The following CUL4B variants were observed in gnomAD, a reference collection of about 807,000 sequenced individuals.
CUL4B encodes cullin 4B.
CUL4B carries 1 observed loss-of-function variant against 69.2 expected under a neutral mutation model. That is an observed-to-expected ratio of 0.01 (90% CI 0.01 to 0.07). The LOEUF (loss-of-function observed/expected upper bound fraction) is 0.07, where lower values mean the gene tolerates loss of function less well. Ranked by LOEUF, CUL4B falls within the 10% of genes least tolerant of loss-of-function variation. The pLI, the probability that CUL4B is intolerant of heterozygous loss-of-function variation, is 1.00. For missense variants in CUL4B, 328 were observed against 638.8 expected (o/e 0.51, Z 5.24); for synonymous variants, 237 against 223.2 (o/e 1.06, Z -0.55).
intron 9 of CUL4B, among the ~76,000 whole-genome samples, chrX:120,541,991 G>T (rs1436235706): frequency 9.0e-6 from 1 of 111,034 alleles, no homozygotes; most frequent in Non-Finnish European, 1.9e-5. Context: ...CACTTTGGGA[G>T]GCTGAGGCAG....
intron 8 of CUL4B, among the ~76,000 whole-genome samples, chrX:120,543,410 A>T (rs1166906682): frequency 9.1e-6 from 1 of 110,196 alleles, no homozygotes; most frequent in African/African-American, 3.3e-5. Context: ...AAAGCACAGA[A>T]ATAGGGGAAT....
In CUL4B at chrX:120,574,541, A is replaced by G. The variant is rs992197854; in HGVS notation, c.67+10T>C. On this transcript the variant is annotated intron_variant, in intron 2 of 2. Transcript: ENST00000486604. ...CTTAACTCTTGAGTTTTACTAGTTC[A>G]TTTACTCACCACCGTCTTTAGAGGT... 1.5e-5 allele frequency: 18 copies of G among 1,191,300 alleles called. No individual in the cohort carries two copies. The African/African-American group carries it at 2.5e-4, about 16-fold the overall frequency.
intron 14 of CUL4B, 66 bp downstream of exon 14, chrX:120,538,058 A>T: frequency 1.3e-6 from 1 of 779,826 alleles, no homozygotes; most frequent in Non-Finnish European, 2.0e-6. Context: ...CTTTAGTACA[A>T]ATCATAGCAA....
At chrX:120,543,524 ACACACACACC>A (rs1308036785) in intron 8 of CUL4B, among the ~76,000 whole-genome samples, 193 bp downstream of exon 8, 1 of 108,169 alleles carries the variant, frequency 9.2e-6, no homozygotes, top group African/African-American at 3.4e-5. Flanking sequence ...ACACACACAC[ACACACACACC>A]CCTAATAATC....
At chrX:120,558,536 A>G (rs1925109534) in intron 1 of CUL4B, among the ~76,000 whole-genome samples, 2 of 112,049 alleles carry the variant, frequency 1.8e-5, no homozygotes, top group Non-Finnish European at 3.8e-5. Flanking sequence ...TAGCTAGTCA[A>G]TGGCAAAGCT....
At chrX:120,529,584 C>T (rs1385792827) in intron 19 of CUL4B, among the ~76,000 whole-genome samples, 3 of 111,533 alleles carry the variant, frequency 2.7e-5, no homozygotes, top group Non-Finnish European at 5.7e-5. Context: ...CACAATGGAA[C>T]GTTTCCATTT....
chrX:120,545,264 T>G (rs1924245629), intron 5 of CUL4B, among the ~76,000 whole-genome samples, 180 bp downstream of exon 5: 1 of 112,268 alleles, frequency 8.9e-6, no homozygotes, highest in Non-Finnish European at 1.9e-5. Context: ...GAATGTTAGC[T>G]ATCTTCAATA....
intron 5 of CUL4B, 79 bp downstream of exon 5, chrX:120,545,365 G>A (rs1227499071): frequency 2.9e-6 from 2 of 699,802 alleles, no homozygotes; most frequent in East Asian, 7.0e-5. Context: ...TCACAGTATA[G>A]CTTATACACT....
chrX:120,558,721 C>G (rs1925118673), intron 1 of CUL4B, among the ~76,000 whole-genome samples: 1 of 111,968 alleles, frequency 8.9e-6, no homozygotes, highest in African/African-American at 3.2e-5. Context: ...ACATCTTACT[C>G]TAGGCTTTAA....
In CUL4B at chrX:120,560,760, C is replaced by CA. The variant is rs748231013; in HGVS notation, c.-123dup. On this transcript the variant is annotated 5_prime_UTR_variant, in exon 1 of 20. Coordinates refer to ENST00000371322, the MANE Select transcript of CUL4B (RefSeq NM_001079872.2). ...GGGAAGAAAGAAGAGAGGAGAAACA[C>CA]AGAGGACGAGAAGGAAAGTGAAGGG... 6.0e-6 allele frequency: 6 copies of CA among 1,003,585 alleles called. No individual in the cohort carries two copies. In the Admixed American group the frequency reaches 2.4e-4, roughly 40 times the overall value. 82.7% of individuals were successfully genotyped at this position (1,003,585 alleles called of 1,213,427 possible). A position where few individuals can be genotyped will look rare whatever the true frequency, so the allele number is the denominator to read the frequency against.
At chrX:120,553,721 T>C (rs771796486) in intron 2 of CUL4B, among the ~76,000 whole-genome samples, 3 of 111,147 alleles carry the variant, frequency 2.7e-5, no homozygotes, top group Non-Finnish European at 3.8e-5. Flanking sequence ...CTGGGCAACA[T>C]AGCAAGACCC....
downstream of CUL4B, among the ~76,000 whole-genome samples, chrX:120,568,180 TAGA>T (rs1272181244): frequency 9.0e-6 from 1 of 110,856 alleles, no homozygotes; most frequent in East Asian, 2.8e-4. Context: ...TAAACAGAAC[TAGA>T]AGAAGCCACT....
chrX:120,539,928 G>A (rs1283719997), intron 11 of CUL4B, among the ~76,000 whole-genome samples: 4 of 111,625 alleles, frequency 3.6e-5, no homozygotes, highest in African/African-American at 1.3e-4. Flanking sequence ...AAGGGTACTT[G>A]GGTGGAAAAA....
At chrX:120,573,358 C>A (rs1200602772) in intron 2 of CUL4B, among the ~76,000 whole-genome samples, 1 of 111,545 alleles carries the variant, frequency 9.0e-6, no homozygotes, top group Non-Finnish European at 1.9e-5. Flanking sequence ...TAAACCATTC[C>A]CCTATTTTTG....
exon 2 of CUL4B, chrX:120,574,559 T>G: frequency 8.3e-7 from 1 of 1,202,279 alleles, no homozygotes; most frequent in Non-Finnish European, 1.1e-6. Flanking sequence ...ACCACCGTCT[T>G]TAGAGGTAGT....
rs2147350219 is a variant in CUL4B, at chrX:120,560,475, C to T, written c.164G>A (p.Arg55Lys). Residue 55 changes from arginine (R) to lysine (K), a missense_variant, in exon 1 of 20, where the codon AGA becomes AAA. Transcript: ENST00000371322. ...SSSSSNSSNE[R>K]EDFDSTSSSS... ...GGAAGAGGTGGAATCAAAGTCTTCTCTCTCGTTACTACTGTTACTGCTGCT... is the reference window on the plus strand; with the variant it reads ...GGAAGAGGTGGAATCAAAGTCTTCTTTCTCGTTACTACTGTTACTGCTGCT... The T allele has an allele frequency of 1.7e-6, 2 of 1,210,134 alleles. No homozygotes were observed. Among genetic ancestry groups the T allele is most frequent in the Non-Finnish European group, 2.2e-6 (2 of 894,247 alleles).
upstream of CUL4B, among the ~76,000 whole-genome samples, chrX:120,562,513 G>T (rs1011325979): frequency 8.9e-6 from 1 of 111,954 alleles, no homozygotes; most frequent in African/African-American, 3.2e-5. Flanking sequence ...GCCAGTAGGG[G>T]AAGATAGTTT....
At chrX:120,542,333 T>A (rs1284602822) in intron 9 of CUL4B, among the ~76,000 whole-genome samples, 1 of 111,886 alleles carries the variant, frequency 8.9e-6, no homozygotes, top group African/African-American at 3.2e-5. Context: ...AATAAATATT[T>A]GATTTCCAGG....
chrX:120,535,704 C>CAAA (rs71820203), intron 16 of CUL4B, 126 bp downstream of exon 16: 1,560 of 184,349 alleles, frequency 8.5e-3, no homozygotes, highest in East Asian at 0.013. Context: ...GACTCTGTCT[C>CAAA]AAAAAAAAAA....
Sources: allele counts gnomAD v4.1 joint callset (sites outside exome capture counted in the v4.1 genomes callset), GRCh38; gene constraint gnomAD v4.1.1; transcripts MANE v1.5; gene names NCBI Gene and HGNC (gene_info 2026-07-23, HGNC 2026-07-21).